The following CEP164 variants were observed in gnomAD, a reference collection of about 807,000 sequenced individuals.
CEP164 encodes the protein centrosomal protein 164, also known as centrosomal protein of 164 kDa.
In CEP164, 162 loss-of-function variants were observed where a neutral mutation model predicts 182.7. That is an observed-to-expected ratio of 0.89 (90% CI 0.78 to 1.01). The LOEUF (loss-of-function observed/expected upper bound fraction) is 1.01, where lower values mean the gene tolerates loss of function less well. Ranked by LOEUF, CEP164 falls within the 50% of genes least tolerant of loss-of-function variation. The probability of loss-of-function intolerance (pLI) is 0.00; values close to 1 mark genes in which losing one functional copy is unlikely to be tolerated. For synonymous variants in CEP164, 661 were observed against 690.0 expected (o/e 0.96, Z 0.66); for missense variants, 1,735 against 1,790.4 (o/e 0.97, Z 0.56).
At chr11:117,331,296 AG>A (rs1301939854) in intron 1 of CEP164, among the ~76,000 whole-genome samples, 1 of 152,362 alleles carries the variant, frequency 6.6e-6, no homozygotes, top group African/African-American at 2.4e-5. Flanking sequence ...GATGAGCAGA[AG>A]GCAGACTTGA....
At position 117,387,216 on chromosome 11, in the gene CEP164, C is replaced by G. The variant is rs758890143; in HGVS notation, c.1738C>G (p.Pro580Ala). ...PVSPEVRSTE[P>A]VAPPEQLSEA... ...CACCCATGGTAGGCGATCCACAGAG[C>G]CTGTGGCTCCCCCAGAGCAGCTCTC... is the stretch of plus-strand genomic sequence containing the variant. The change falls in exon 15 of 33, where the codon CCT (proline) becomes GCT (alanine). Residue 580 changes from proline (P) to alanine (A), a missense_variant. Physicochemically the swap from Pro to Ala is conservative, Grantham distance 27. Coordinates refer to ENST00000278935, the MANE Select transcript of CEP164 (RefSeq NM_014956.5). 1 of 1,613,992 alleles carries G rather than the reference C, an allele frequency of 6.2e-7. No homozygotes were observed. The highest frequency in any genetic ancestry group is 1.1e-5 in the South Asian group (1 of 91,090).
Position 117,395,645 on chromosome 11 carries a change from G to T in CEP164, c.3012G>T (p.Leu1004=), listed in dbSNP as rs368609037. The part of the protein sequence containing the change: ...NQQLREILDE[L]QARKLKLESQ... ...AGCTCCGAGAAATTCTTGATGAGCT[G>T]CAGGCCCGCAAGCTGAAGCTGGAGT... Residue 1004 remains leucine (L), a synonymous_variant, in exon 24 of 33, where the codon CTG becomes CTT. Coordinates refer to ENST00000278935, the MANE Select transcript of CEP164 (RefSeq NM_014956.5). The T allele has an allele frequency of 1.2e-5, 19 of 1,613,688 alleles. No homozygotes were observed. In the African/African-American group the frequency reaches 1.7e-4, roughly 15 times the overall value.
Position 117,411,494 on chromosome 11 carries a change from T to A in CEP164, c.4164-301T>A. The A allele has an allele frequency of 5.7e-6, 2 of 351,524 alleles. No individual in the cohort carries two copies. The highest frequency in any genetic ancestry group is 1.1e-5 in the Non-Finnish European group (2 of 188,738). 21.8% of individuals were successfully genotyped at this position (351,524 alleles called of 1,614,324 possible). A position where few individuals can be genotyped will look rare whatever the true frequency, so the allele number is the denominator to read the frequency against. Reference sequence around the variant, plus strand: ...TTGAGAGCTGATGCTGGCCAAGGATTGAGTTGACAGAGGGGAGCGCTTTGC... The same window carrying A: ...TTGAGAGCTGATGCTGGCCAAGGATAGAGTTGACAGAGGGGAGCGCTTTGC... On this transcript the variant is annotated intron_variant, in intron 31 of 32. Coordinates refer to ENST00000278935, the MANE Select transcript of CEP164 (RefSeq NM_014956.5). The surrounding 1 kb of genome is among the most constrained non-coding windows in gnomAD (Gnocchi z 4.4).
At chr11:117,368,281 T>C (rs78247409) in intron 8 of CEP164, among the ~76,000 whole-genome samples, 176 of 152,162 alleles carry the variant, frequency 1.2e-3, no homozygotes, top group Non-Finnish European at 2.0e-3. Context: ...GGGTAGTATG[T>C]GTGTATGTGT....
rs2037587981 is a variant in CEP164, at chr11:117,338,675, A to T, written c.82+7A>T. 1 of 1,603,740 alleles carries T rather than the reference A, an allele frequency of 6.2e-7. No individual in the cohort carries two copies. Among genetic ancestry groups the T allele is most frequent in the Non-Finnish European group, 8.5e-7 (1 of 1,170,630 alleles). ...TACATTCCTAGTGAGCAAGGTAACA[A>T]GTCTGTGAAGAGGCCTGTGGTGTAT... On this transcript the variant is annotated splice_region_variant and intron_variant, in intron 3 of 32. Coordinates refer to ENST00000278935, the MANE Select transcript of CEP164 (RefSeq NM_014956.5).
At chr11:117,363,724 T>G (rs552422073) in intron 8 of CEP164, among the ~76,000 whole-genome samples, 10 of 146,732 alleles carry the variant, frequency 6.8e-5, no homozygotes, top group African/African-American at 2.5e-4. Flanking sequence ...ACATCAACAC[T>G]CATTATGTTA....
intron 5 of CEP164, among the ~76,000 whole-genome samples, chr11:117,354,317 T>C (rs499744): frequency 0.63 from 95,918 of 151,992 alleles, 30,534 homozygotes; most frequent in African/African-American, 0.71. Flanking sequence ...CACACACGGC[T>C]CAAGGTTGGT....
intron 26 of CEP164, 52 bp from the exon 27 acceptor site, chr11:117,397,039 G>C: frequency 6.6e-7 from 1 of 1,522,642 alleles, no homozygotes; most frequent in African/African-American, 1.4e-5. Context: ...GTGTGACCCA[G>C]AGCAGAGTTC....
Position 117,390,893 on chromosome 11 carries a change from A to C in CEP164, c.2051A>C (p.Asp684Ala). 6.2e-7 allele frequency: 1 copy of C among 1,613,854 alleles called. No individual in the cohort carries two copies. The highest frequency in any genetic ancestry group is 8.5e-7 in the Non-Finnish European group (1 of 1,180,004). The change falls in exon 16 of 33, where the codon GAT (aspartate) becomes GCT (alanine). Residue 684 changes from aspartate (D) to alanine (A), a missense_variant. Transcript: ENST00000278935. The part of the protein sequence containing the change: ...RAQVQSSTQA[D>A]EDQIRAEQEA... The stretch of plus-strand genomic sequence containing the variant: ...CAGGTCCAGTCCAGCACACAAGCAG[A>C]TGAGGACCAAATCAGGTAAGTGTGT...
intron 5 of CEP164, chr11:117,356,102 G>A: frequency 9.4e-7 from 1 of 1,060,210 alleles, no homozygotes; most frequent in Non-Finnish European, 1.1e-6. Flanking sequence ...GAGCTCACGG[G>A]GATCTGAGGA....
In CEP164 at chr11:117,392,236, C is replaced by T. The variant is rs140009020; in HGVS notation, c.2294C>T (p.Thr765Met). The change falls in exon 18 of 33, where the codon ACG becomes ATG. Residue 765 changes from threonine to methionine, a missense_variant. By Grantham distance (81) the Thr-to-Met change is moderately conservative. Coordinates refer to ENST00000278935, the MANE Select transcript of CEP164 (RefSeq NM_014956.5). ...LEGERKEAVA[T>M]LEKEHSAELE... is the part of the protein sequence containing the mutation. ...TTTGCTCCTCCCCAGGCTGTGGCAA[C>T]GCTGGAGAAGGAGCACAGTGCTGAG... The T allele has an allele frequency of 2.4e-5, 38 of 1,606,030 alleles. No homozygotes were observed. The highest frequency in any genetic ancestry group is 8.0e-5 in the African/African-American group (6 of 74,924).
intron 27 of CEP164, among the ~76,000 whole-genome samples, chr11:117,407,715 G>GGT (rs2046874495): frequency 6.6e-6 from 1 of 152,152 alleles, no homozygotes; most frequent in Non-Finnish European, 1.5e-5. Context: ...GAGTTTTTAA[G>GGT]GTGTAGGCAT....
At chr11:117,386,619 C>T (rs976481254) in intron 14 of CEP164, 5 of 153,136 alleles carry the variant, frequency 3.3e-5, no homozygotes, top group African/African-American at 1.2e-4. Context: ...CCTCCTGGCC[C>T]CCTTGGTGGT....
At chr11:117,375,656 G>T in intron 10 of CEP164, 52 bp from the exon 11 acceptor site, 1 of 1,504,498 alleles carries the variant, frequency 6.6e-7, no homozygotes, top group South Asian at 1.1e-5. Context: ...GGCCTGGTGG[G>T]TGTTGACTGT....
chr11:117,340,870 G>C (rs1592016514), intron 3 of CEP164, among the ~76,000 whole-genome samples: 1 of 152,090 alleles, frequency 6.6e-6, no homozygotes, highest in South Asian at 2.1e-4. Flanking sequence ...GTCTCACTTT[G>C]TCGCCCAGGC....
chr11:117,334,647 A>G (rs1490749896), intron 1 of CEP164, among the ~76,000 whole-genome samples: 1 of 152,078 alleles, frequency 6.6e-6, no homozygotes, highest in African/African-American at 2.4e-5. Flanking sequence ...TTAGCCAGGC[A>G]TGGTGGGGGT....
At chr11:117,353,344 A>G (rs2039904451) in intron 5 of CEP164, among the ~76,000 whole-genome samples, 1 of 152,114 alleles carries the variant, frequency 6.6e-6, no homozygotes, top group Non-Finnish European at 1.5e-5. Flanking sequence ...ATTCCTCCAG[A>G]TGGAGAAAAG....
chr11:117,355,360 G>A, intron 5 of CEP164: 15 of 1,289,818 alleles, frequency 1.2e-5, no homozygotes, highest in Non-Finnish European at 1.5e-5. Context: ...CAGCCCCTCA[G>A]AACACTGGGC....
Position 117,371,338 on chromosome 11 carries a change from G to T in CEP164, c.1024G>T (p.Ala342Ser). 1 of 1,614,228 alleles carries T rather than the reference G, an allele frequency of 6.2e-7. No individual in the cohort carries two copies. The highest frequency in any genetic ancestry group is 8.5e-7 in the Non-Finnish European group (1 of 1,180,038). The change falls in exon 9 of 33, where the codon GCC becomes TCC. Residue 342 changes from alanine to serine, a missense_variant. Coordinates refer to ENST00000278935, the MANE Select transcript of CEP164 (RefSeq NM_014956.5). The part of the protein sequence containing the change: ...ADPTGSEPAK[A>S]SEKEAPEDTV... ...CCCTACAGGCAGTGAGCCTGCCAAAGCCTCTGAAAAGGAAGCACCAGAGGA... is the reference window on the plus strand; with the variant it reads ...CCCTACAGGCAGTGAGCCTGCCAAATCCTCTGAAAAGGAAGCACCAGAGGA...
Sources: gnomAD v4.1 joint callset for allele counts (sites outside exome capture counted in the v4.1 genomes callset) on GRCh38, gnomAD v4.1.1 for gene constraint, Gnocchi (gnomAD v3.1) non-coding constraint, MANE v1.5 for transcripts, NCBI Gene and HGNC (gene_info 2026-07-23, HGNC 2026-07-21) for gene names.